ERBB2: variants seen among roughly 807,000 people sequenced by gnomAD.
The protein encoded by ERBB2 is receptor tyrosine-protein kinase erbB-2.
In ERBB2, 61 loss-of-function variants were observed where a neutral mutation model predicts 149.0. That is an observed-to-expected ratio of 0.41 (90% CI 0.33 to 0.51). The LOEUF is 0.51. Ranked by LOEUF, ERBB2 falls within the 20% of genes least tolerant of loss-of-function variation. The pLI is 0.25. For missense variants in ERBB2, 1,205 were observed against 1,655.1 expected (o/e 0.73, Z 4.72); for synonymous variants, 633 against 678.8 (o/e 0.93, Z 1.05).
chr17:39,719,986 A>C, intron 16 of ERBB2, 152 bp downstream of exon 16: 1 of 729,100 alleles, frequency 1.4e-6, no homozygotes, highest in Non-Finnish European at 2.4e-6. Context: ...CCACTTCACC[A>C]AGTGACAGAG....
At chr17:39,699,566 C>G (rs1193961962), upstream of ERBB2, 8 of 1,533,140 alleles carry the variant, frequency 5.2e-6, no homozygotes, top group Non-Finnish European at 7.0e-6. Flanking sequence ...AGATATGCCC[C>G]GGGGGTCCTG....
rs896376245 is a variant in ERBB2 at position 39,700,303 on chromosome 17, G to A, written c.65G>A (p.Ser22Asn). The stretch of plus-strand genomic sequence containing the variant: ...GCCCTCTTGCCCCCCGGAGCCGCGA[G>A]CACCCAAGGTGGGTCTGGTGTGGGG... ...LLALLPPGAA[S>N]TQVCTGTDMK... is the part of the protein sequence containing the mutation. Residue 22 changes from serine to asparagine, a missense_variant, in exon 1 of 27, where the codon AGC becomes AAC. Physicochemically the swap from Ser to Asn is conservative, Grantham distance 46. Coordinates refer to ENST00000269571, the MANE Select transcript of ERBB2 (RefSeq NM_004448.4). 13 of 1,424,946 alleles carry A rather than the reference G, an allele frequency of 9.1e-6. No individual in the cohort carries two copies. In the Admixed American group the frequency reaches 1.1e-4, roughly 12 times the overall value. The allele number at this position is 1,424,946 out of a possible 1,614,324, so 88.3% of individuals were successfully genotyped here. A position where few individuals can be genotyped will look rare whatever the true frequency, so the allele number is the denominator to read the frequency against.
intron 14 of ERBB2, 27 bp downstream of exon 14, chr17:39,716,632 G>C (rs760803939): frequency 1.2e-6 from 2 of 1,602,528 alleles, no homozygotes; most frequent in South Asian, 2.2e-5. Flanking sequence ...CTCAGAGCTG[G>C]GTGGAGGGGG....
rs778888794 is a variant in ERBB2 at position 39,709,353 on chromosome 17, C to T, written c.475C>T (p.Pro159Ser). Residue 159 changes from proline (P) to serine (S), a missense_variant, in exon 4 of 27, where the codon CCC (proline) becomes TCC (serine). Transcript: ENST00000269571. Reference protein sequence around the residue: ...LKGGVLIQRNPQLCYQDTILW... With the variant: ...LKGGVLIQRNSQLCYQDTILW... ...AGGAGGGGTCTTGATCCAGCGGAAC[C>T]CCCAGCTCTGCTACCAGGACACGAT... The T allele has an allele frequency of 1.2e-6, 2 of 1,613,914 alleles. No individual in the cohort carries two copies. The highest frequency in any genetic ancestry group is 1.3e-5 in the African/African-American group (1 of 74,874).
rs138893464 is a variant in ERBB2, at chr17:39,717,328, C to T, written c.1746C>T (p.Asp582=). ...TTTTCTGCCCCCCCCAGGAGGCTGACCAGTGTGTGGCCTGTGCCCACTATA... is the reference window on the plus strand; with the variant it reads ...TTTTCTGCCCCCCCCAGGAGGCTGATCAGTGTGTGGCCTGTGCCCACTATA... ...GSVTCFGPEA[D]QCVACAHYKD... Residue 582 remains aspartate, a synonymous_variant, in exon 15 of 27, where the codon GAC becomes GAT. Transcript: ENST00000269571. 715 of 1,609,048 alleles carry T rather than the reference C, an allele frequency of 4.4e-4. 1 individual carries two copies. The highest frequency in any genetic ancestry group is 5.2e-4 in the Non-Finnish European group (613 of 1,178,044).
intron 15 of ERBB2, among the ~76,000 whole-genome samples, chr17:39,718,985 G>T (rs1293057156): frequency 6.6e-6 from 1 of 152,108 alleles, no homozygotes; most frequent in East Asian, 1.9e-4. Context: ...TCCAGGCTGG[G>T]CATGGTGGCT....
upstream of ERBB2, chr17:39,699,899 A>G: frequency 1.3e-6 from 1 of 798,858 alleles, no homozygotes; most frequent in Non-Finnish European, 1.7e-6. Context: ...GCCTGCGCGA[A>G]GAGAGGGAGA....
At chr17:39,722,982 C>T (rs565445926) in intron 16 of ERBB2, among the ~76,000 whole-genome samples, 4 of 152,272 alleles carry the variant, frequency 2.6e-5, no homozygotes, top group East Asian at 3.9e-4. Flanking sequence ...CTCAGACTCT[C>T]AAAGTGCTAG....
chr17:39,718,991 T>TCCAGGCTG (rs2059303072), intron 15 of ERBB2, among the ~76,000 whole-genome samples: 3 of 152,148 alleles, frequency 2.0e-5, no homozygotes, highest in Admixed American at 2.0e-4. Context: ...CTGGGCATGG[T>TCCAGGCTG]GGCTCACGCC....
upstream of ERBB2, among the ~76,000 whole-genome samples, chr17:39,693,521 G>C (rs1004159081): frequency 2.0e-5 from 3 of 151,714 alleles, no homozygotes; most frequent in African/African-American, 7.3e-5. Context: ...TCCCTCTGTC[G>C]CCCAGCCTGG....
In ERBB2 at chr17:39,727,951, G is replaced by C. The variant is rs2059872004; in HGVS notation, c.3675G>C (p.Gln1225His). 6 of 1,614,052 alleles carry C rather than the reference G, an allele frequency of 3.7e-6. No individual in the cohort carries two copies. Among genetic ancestry groups the C allele is most frequent in the Non-Finnish European group, 5.1e-6 (6 of 1,180,010 alleles). Residue 1225 changes from glutamine to histidine, a missense_variant, in exon 27 of 27, where the codon CAG (glutamine) becomes CAC (histidine). By Grantham distance (24) the Gln-to-His change is conservative. Transcript: ENST00000269571. This position sits in a 1 kb window ranked among gnomAD's most constrained non-coding sequence, Gnocchi z 4.3. ...TCGACAACCTCTATTACTGGGACCA[G>C]GACCCACCAGAGCGGGGGGCTCCAC... is the stretch of plus-strand genomic sequence containing the variant. ...PAFDNLYYWD[Q>H]DPPERGAPPS...
chr17:39,728,164 C>T lies in ERBB2; in HGVS notation c.*120C>T. 4 of 689,028 alleles carry T rather than the reference C, an allele frequency of 5.8e-6. No individual in the cohort carries two copies. The highest frequency in any genetic ancestry group is 9.5e-6 in the Non-Finnish European group (4 of 419,872). 42.7% of individuals were successfully genotyped at this position (689,028 alleles called of 1,614,324 possible). On this transcript the variant is annotated 3_prime_UTR_variant, in exon 27 of 27. Transcript: ENST00000269571. ...ACCACTTCCAGGGGAACCTGCCATG[C>T]CAGGAACCTGTCCTAAGGAACCTTC...
rs2143317422 is a variant in ERBB2, at chr17:39,727,983, C to A, written c.3707C>A (p.Thr1236Asn). Residue 1236 changes from threonine (T) to asparagine (N), a missense_variant, in exon 27 of 27, where the codon ACC becomes AAC. Thr to Asn is a moderately conservative substitution (Grantham distance 65, BLOSUM62 0). Transcript: ENST00000269571. This position sits in a 1 kb window ranked among gnomAD's most constrained non-coding sequence, Gnocchi z 4.3. The part of the protein sequence containing the change: ...DPPERGAPPS[T>N]FKGTPTAENP... ...CCAGAGCGGGGGGCTCCACCCAGCA[C>A]CTTCAAAGGGACACCTACGGCAGAG... 6.2e-7 allele frequency: 1 copy of A among 1,613,280 alleles called. No individual in the cohort carries two copies. Among genetic ancestry groups the A allele is most frequent in the Non-Finnish European group, 8.5e-7 (1 of 1,179,928 alleles).
In ERBB2 at chr17:39,725,804, G is replaced by C. The variant is rs1304615271; in HGVS notation, c.2823G>C (p.Leu941=). Residue 941 remains leucine, a synonymous_variant, in exon 23 of 27, where the codon CTG becomes CTC. Transcript: ENST00000269571. The surrounding 1 kb of genome is among the most constrained non-coding windows in gnomAD (Gnocchi z 4.6). The part of the protein sequence containing the change: ...IPDLLEKGER[L]PQPPICTIDV... ...ACCTGCTGGAAAAGGGGGAGCGGCT[G>C]CCCCAGCCCCCCATCTGCACCATTG... is the stretch of plus-strand genomic sequence containing the variant. 7 of 1,613,782 alleles carry C rather than the reference G, an allele frequency of 4.3e-6. No individual in the cohort carries two copies. The highest frequency in any genetic ancestry group is 5.9e-6 in the Non-Finnish European group (7 of 1,179,876).
chr17:39,712,886 G>A (rs1373761155), intron 9 of ERBB2, among the ~76,000 whole-genome samples: 3 of 152,162 alleles, frequency 2.0e-5, no homozygotes, highest in Non-Finnish European at 4.4e-5. Context: ...AAAGAAGCCA[G>A]AGACAAGATT....
At position 39,725,370 on chromosome 17, in the gene ERBB2, G is replaced by C. The variant is rs910494571; in HGVS notation, c.2693G>C (p.Arg898Pro). ...GCGCTGGAGTCCATTCTCCGCCGGC[G>C]GTTCACCCACCAGAGTGATGTGTGG... The part of the protein sequence containing the change: ...WMALESILRR[R>P]FTHQSDVWSY... The change falls in exon 22 of 27, where the codon CGG (arginine) becomes CCG (proline). Residue 898 changes from arginine (R) to proline (P), a missense_variant. By Grantham distance (103) the Arg-to-Pro change is moderately radical. Coordinates refer to ENST00000269571, the MANE Select transcript of ERBB2 (RefSeq NM_004448.4). The surrounding 1 kb of genome is among the most constrained non-coding windows in gnomAD (Gnocchi z 4.6). 1 of 1,614,050 alleles carries C rather than the reference G, an allele frequency of 6.2e-7. No homozygotes were observed. Among genetic ancestry groups the C allele is most frequent in the Non-Finnish European group, 8.5e-7 (1 of 1,180,008 alleles).
rs2143270951 is a variant in ERBB2, at chr17:39,727,605, C to T, written c.3412+58C>T. 6.4e-7 allele frequency: 1 copy of T among 1,573,438 alleles called. No individual in the cohort carries two copies. Among genetic ancestry groups the T allele is most frequent in the Non-Finnish European group, 8.6e-7 (1 of 1,165,308 alleles). ...GGGCAGGGGAGGTGGGACCTTCAGC[C>T]CAGGGTCCACTGTGGGGGCAGAGGG... On this transcript the variant is annotated intron_variant, in intron 26 of 26. Coordinates refer to ENST00000269571, the MANE Select transcript of ERBB2 (RefSeq NM_004448.4). This position sits in a 1 kb window ranked among gnomAD's most constrained non-coding sequence, Gnocchi z 4.3.
Position 39,721,019 on chromosome 17 carries a change from G to A in ERBB2, c.1946+1185G>A, listed in dbSNP as rs1047319848. On this transcript the variant is annotated intron_variant, in intron 16 of 26. Coordinates refer to ENST00000269571, the MANE Select transcript of ERBB2 (RefSeq NM_004448.4). ...CTTGTCCAGTCTTGAATGTGGTGGT[G>A]TAATCACAGGCTCACTGCAGCCTTG... Among the ~76,000 whole-genome samples the A allele has an allele frequency of 3.3e-5, 5 of 152,134 alleles. No individual in the cohort carries two copies. The South Asian group carries it at 8.3e-4, about 25-fold the overall frequency.
chr17:39,723,459 T>G lies in ERBB2; in HGVS notation c.2085+2T>G, dbSNP rs1258883449. The G allele has an allele frequency of 6.2e-7, 1 of 1,613,858 alleles. No individual in the cohort carries two copies. Among genetic ancestry groups the G allele is most frequent in the Non-Finnish European group, 8.5e-7 (1 of 1,179,942 alleles). ...CGGAGACTGCTGCAGGAAACGGAGG[T>G]GAGGCGGGGTGAAGTCCTCCCAGCC... On this transcript the variant is annotated splice_donor_variant, in intron 17 of 26. Transcript: ENST00000269571. LOFTEE classifies it high-confidence loss of function. This position sits in a 1 kb window ranked among gnomAD's most constrained non-coding sequence, Gnocchi z 6.2.
Sources: gnomAD v4.1 joint callset for allele counts (sites outside exome capture counted in the v4.1 genomes callset) on GRCh38, gnomAD v4.1.1 for gene constraint, Gnocchi (gnomAD v3.1) non-coding constraint, MANE v1.5 for transcripts, NCBI Gene and HGNC (gene_info 2026-07-23, HGNC 2026-07-21) for gene names.